The following PMPCB variants were observed in gnomAD, a reference collection of about 807,000 sequenced individuals.
PMPCB encodes peptidase, mitochondrial processing subunit beta.
PMPCB carries 46 observed loss-of-function variants against 61.5 expected under a neutral mutation model. That is an observed-to-expected ratio of 0.75 (90% confidence interval 0.59 to 0.96). PMPCB has a LOEUF of 0.96. Among genes scored for constraint, PMPCB ranks in the 40% least tolerant of loss-of-function variants. The pLI is 0.00. For missense variants in PMPCB, 590 were observed against 602.4 expected, an observed-to-expected ratio of 0.98 and a Z score of 0.22; for synonymous variants, 191 against 201.6, an observed-to-expected ratio of 0.95 and a Z score of 0.44.
At chr7:103,347,255 T>TG in the PMPCB span, among the ~76,000 whole-genome samples, 4 of 152,366 alleles carry the variant, frequency 2.6e-5, no homozygotes, top group Non-Finnish European at 4.4e-5. Flanking sequence ...AATAGGTATG[T>TG]GGTGGCATCC....
At chr7:103,333,121 A>T (rs534924445), downstream of PMPCB, among the ~76,000 whole-genome samples, 2 of 152,264 alleles carry the variant, frequency 1.3e-5, no homozygotes, top group Admixed American at 6.5e-5. Context: ...CAGAATTTGG[A>T]GCATTTTGGA....
Position 103,307,624 on chromosome 7 carries a change from A to G in PMPCB, c.765A>G (p.Leu255=), listed in dbSNP as rs1176801855. Residue 255 remains leucine, a synonymous_variant, in exon 7 of 13, where the codon TTA becomes TTG. Coordinates refer to ENST00000249269, the MANE Select transcript of PMPCB (RefSeq NM_004279.3). The stretch of plus-strand genomic sequence containing the variant: ...TTTCCCATGATGAATTGCTTGACTT[A>G]GCAAAGTTTCATTTCGGTGACTCTT... ...GGVSHDELLD[L]AKFHFGDSLC... 6.2e-7 allele frequency: 1 copy of G among 1,612,406 alleles called. No individual in the cohort carries two copies. Among genetic ancestry groups the G allele is most frequent in the Non-Finnish European group, 8.5e-7 (1 of 1,178,410 alleles).
At chr7:103,344,770 G>C in the PMPCB span, 1 of 716,428 alleles carries the variant, frequency 1.4e-6, no homozygotes, top group Admixed American at 2.3e-5. Context: ...CGACCAGTAA[G>C]CACTTCCGGG....
chr7:103,327,658 T>G, intron 12 of PMPCB: 1 of 1,585,464 alleles, frequency 6.3e-7, no homozygotes, highest in Non-Finnish European at 8.6e-7. Context: ...TTTCTTACCT[T>G]TAGTTATGCA....
At chr7:103,332,570 G>A (rs1006634814), downstream of PMPCB, among the ~76,000 whole-genome samples, 1 of 151,704 alleles carries the variant, frequency 6.6e-6, no homozygotes, top group African/African-American at 2.4e-5. Flanking sequence ...AATTATCTGG[G>A]CCTAAAAATT....
chr7:103,311,308 A>C (rs930679017), intron 9 of PMPCB: 1 of 255,956 alleles, frequency 3.9e-6, no homozygotes, highest in Non-Finnish European at 7.4e-6. Flanking sequence ...CATTGTTTTC[A>C]GAAACCAATG....
downstream of PMPCB, among the ~76,000 whole-genome samples, chr7:103,334,498 C>A (rs1025973254): frequency 6.6e-6 from 1 of 151,596 alleles, no homozygotes. Context: ...ACCACTTGAA[C>A]CCTGGAGATG....
At chr7:103,310,873 G>A (rs2115709371) in intron 9 of PMPCB, 1 of 154,778 alleles carries the variant, frequency 6.5e-6, no homozygotes, top group Non-Finnish European at 1.4e-5. Flanking sequence ...TTTTAGTAGA[G>A]ATGGGGTTTC....
chr7:103,299,087 A>C (rs1472091412), intron 2 of PMPCB, among the ~76,000 whole-genome samples: 1 of 152,228 alleles, frequency 6.6e-6, no homozygotes, highest in African/African-American at 2.4e-5. Flanking sequence ...AAGTGAGAGA[A>C]GTTAAATGGT....
At chr7:103,316,218 T>G (rs1369625748), downstream of PMPCB, 6 of 497,446 alleles carry the variant, frequency 1.2e-5, no homozygotes, top group Non-Finnish European at 1.7e-5. Context: ...GGTGGTCTAA[T>G]TATGCTGCTA....
At chr7:103,342,442 A>T in the PMPCB span, among the ~76,000 whole-genome samples, 2 of 151,220 alleles carry the variant, frequency 1.3e-5, no homozygotes, top group African/African-American at 4.9e-5. Context: ...AGCAGCTGGG[A>T]TTACAGGCAT....
At chr7:103,337,778 G>T in the PMPCB span, 1 of 1,613,444 alleles carries the variant, frequency 6.2e-7, no homozygotes, top group East Asian at 2.2e-5. Flanking sequence ...TATCTCACAT[G>T]GCCAAGTCCA....
Position 103,297,442 on chromosome 7 carries a change from A to C in PMPCB, c.-18A>C, listed in dbSNP as rs200217300. The C allele has an allele frequency of 6.5e-6, 10 of 1,540,064 alleles. No homozygotes were observed. The East Asian group carries it at 1.4e-4, about 21-fold the overall frequency. ...CCCGGAAGCACATCCTTCATCCTCT[A>C]CCTTCCTTCTAGCAGAAATGGCGGC... On this transcript the variant is annotated 5_prime_UTR_variant, in exon 1 of 13. Transcript: ENST00000249269.
At position 103,314,468 on chromosome 7, in the gene PMPCB, A is replaced by C; in HGVS notation, c.*2197A>C. 4 of 985,418 alleles carry C rather than the reference A, an allele frequency of 4.1e-6. No individual in the cohort carries two copies. The highest frequency in any genetic ancestry group is 4.8e-6 in the Non-Finnish European group (4 of 829,916). The allele number at this position is 985,418 out of a possible 1,614,324, so 61.0% of individuals were successfully genotyped here. On this transcript the variant is annotated 3_prime_UTR_variant, in exon 13 of 13. Coordinates refer to ENST00000249269, the MANE Select transcript of PMPCB (RefSeq NM_004279.3). ...CCTTCACAGGGTCACCTCTCCTCAC[A>C]GAAAGCAGACTGGACAAATATCAGG...
chr7:103,337,957 G>C, the PMPCB span: 1 of 622,578 alleles, frequency 1.6e-6, no homozygotes, highest in Non-Finnish European at 2.8e-6. Context: ...AGGGTCTATG[G>C]TCAGGTAAGG....
chr7:103,300,277 G>A lies in PMPCB; in HGVS notation c.427G>A (p.Ala143Thr), dbSNP rs1817413713. 1.2e-6 allele frequency: 2 copies of A among 1,608,686 alleles called. No homozygotes were observed. Among genetic ancestry groups the A allele is most frequent in the Non-Finnish European group, 1.7e-6 (2 of 1,177,096 alleles). ...YTSREQTVYY[A>T]KAFSKDLPRA... ...CTCCAGAGAGCAGACTGTATACTAT[G>A]CCAAAGCATTCTCTAAAGACTTGCC... Residue 143 changes from alanine (A) to threonine (T), a missense_variant, in exon 4 of 13, where the codon GCC becomes ACC. By Grantham distance (58) the Ala-to-Thr change is moderately conservative. Transcript: ENST00000249269.
At chr7:103,306,690 C>T (rs1306968577) in intron 6 of PMPCB, among the ~76,000 whole-genome samples, 1 of 151,768 alleles carries the variant, frequency 6.6e-6, no homozygotes, top group African/African-American at 2.4e-5. Context: ...AGGCCCTGTT[C>T]CTGAGTTCTG....
At chr7:103,331,426 C>T (rs567074523), downstream of PMPCB, among the ~76,000 whole-genome samples, 2 of 152,298 alleles carry the variant, frequency 1.3e-5, no homozygotes, top group African/African-American at 4.8e-5. Flanking sequence ...ACTATCATCA[C>T]CCTACTCTGC....
At chr7:103,321,521 T>C (rs1818411575) in intron 12 of PMPCB, among the ~76,000 whole-genome samples, 1 of 150,336 alleles carries the variant, frequency 6.7e-6, no homozygotes. Context: ...CCATCTCAAA[T>C]AAATAAATAA....
Sources: allele counts gnomAD v4.1 joint callset (sites outside exome capture counted in the v4.1 genomes callset), GRCh38; gene constraint gnomAD v4.1.1; transcripts MANE v1.5; gene names NCBI Gene and HGNC (gene_info 2026-07-23, HGNC 2026-07-21).